PTPRN2: variants seen among roughly 807,000 people sequenced by gnomAD.
PTPRN2 encodes receptor-type tyrosine-protein phosphatase N2.
A neutral mutation model predicts 118.8 loss-of-function variants in PTPRN2; 74 were observed. The ratio of observed to expected loss-of-function variants is 0.62; its 90% CI spans 0.52 to 0.76. The LOEUF is 0.76. PTPRN2 is among the 30% of genes least tolerant of loss of function. PTPRN2 has a pLI of 0.00. For missense variants in PTPRN2, 1,481 were observed against 1,394.4 expected (o/e 1.06, Z -0.99); for synonymous variants, 641 against 608.0 (o/e 1.05, Z -0.80).
intron 12 of PTPRN2, among the ~76,000 whole-genome samples, chr7:157,702,730 C>T (rs1000980603): frequency 2.0e-5 from 3 of 152,238 alleles, no homozygotes; most frequent in African/African-American, 4.8e-5. Context: ...TGGATTTTTG[C>T]TAAATGAATA....
At chr7:157,731,946 T>C (rs1437872357) in intron 12 of PTPRN2, among the ~76,000 whole-genome samples, 47 of 32,216 alleles carry the variant, frequency 1.5e-3, no homozygotes, top group Middle Eastern at 0.045. Context: ...TCCCGTCCCA[T>C]GCGCCCAGCA....
chr7:158,296,734 T>C (rs1359660193), intron 3 of PTPRN2, among the ~76,000 whole-genome samples: 1 of 152,194 alleles, frequency 6.6e-6, no homozygotes, highest in Non-Finnish European at 1.5e-5. Context: ...TCGCACGCCC[T>C]GTGAGGGGAA....
At chr7:158,557,288 TGCAGGTCGCTCCTGG>T (rs1415853821) in intron 1 of PTPRN2, among the ~76,000 whole-genome samples, 3 of 129,452 alleles carry the variant, frequency 2.3e-5, no homozygotes, top group Non-Finnish European at 3.2e-5. Flanking sequence ...GCGGCTCCTG[TGCAGGTCGCTCCTGG>T]GCAGGTCGCT....
At chr7:157,985,120 C>CTCAACACTCCCTTT (rs1318002950) in intron 11 of PTPRN2, among the ~76,000 whole-genome samples, 37 of 152,348 alleles carry the variant, frequency 2.4e-4, no homozygotes, top group African/African-American at 8.7e-4. Flanking sequence ...ACTGTGCTCA[C>CTCAACACTCCCTTT]TCAACACTCC....
At chr7:157,952,777 G>C (rs533693008) in intron 11 of PTPRN2, among the ~76,000 whole-genome samples, 1 of 152,250 alleles carries the variant, frequency 6.6e-6, no homozygotes, top group South Asian at 2.1e-4. Flanking sequence ...AACCCCAGGG[G>C]AAATAAAGGT....
chr7:157,645,072 C>T (rs1465284995), intron 14 of PTPRN2, among the ~76,000 whole-genome samples: 3 of 152,188 alleles, frequency 2.0e-5, no homozygotes, highest in Non-Finnish European at 2.9e-5. Flanking sequence ...ATGACGGACA[C>T]GGAGGAGACG....
intron 2 of PTPRN2, among the ~76,000 whole-genome samples, chr7:158,362,161 T>C (rs1328143744): frequency 6.6e-6 from 1 of 152,198 alleles, no homozygotes; most frequent in Non-Finnish European, 1.5e-5. Context: ...AGGCACCACC[T>C]TTCCTGGACC....
rs1301694487 is a variant in PTPRN2, at chr7:158,003,767, A to T, written c.1723+77531T>A. On this transcript the variant is annotated intron_variant, in intron 11 of 22. Transcript: ENST00000389418. This position sits in a 1 kb window ranked among gnomAD's most constrained non-coding sequence, Gnocchi z 5.0. ...TTCTTGGTGGTGGCGAGCTTCTCACATGGGCTTGGCGGCACCTCCCAACAC... is the reference window on the plus strand; with the variant it reads ...TTCTTGGTGGTGGCGAGCTTCTCACTTGGGCTTGGCGGCACCTCCCAACAC... Among the ~76,000 whole-genome samples, 3 of 152,020 alleles carry T rather than the reference A, an allele frequency of 2.0e-5. No individual in the cohort carries two copies. Among genetic ancestry groups the T allele is most frequent in the Non-Finnish European group, 4.4e-5 (3 of 68,008 alleles).
In PTPRN2 at chr7:157,881,797, C is replaced by T. The variant is rs1381934505; in HGVS notation, c.1788+16876G>A. 6.6e-6 allele frequency among the ~76,000 whole-genome samples: 1 copy of T among 151,620 alleles called. No individual in the cohort carries two copies. Among genetic ancestry groups the T allele is most frequent in the Non-Finnish European group, 1.5e-5 (1 of 67,974 alleles). ...GTAAAAGGGTTTGCACACACACAACCCTAATTAGACTTTTAATAGATCCTT... is the reference window on the plus strand; with the variant it reads ...GTAAAAGGGTTTGCACACACACAACTCTAATTAGACTTTTAATAGATCCTT... On this transcript the variant is annotated intron_variant, in intron 12 of 22. Coordinates refer to ENST00000389418, the MANE Select transcript of PTPRN2 (RefSeq NM_002847.5). The surrounding 1 kb of genome is among the most constrained non-coding windows in gnomAD (Gnocchi z 4.7).
chr7:158,493,202 C>T (rs1036288418), intron 1 of PTPRN2, among the ~76,000 whole-genome samples: 1 of 152,240 alleles, frequency 6.6e-6, no homozygotes, highest in African/African-American at 2.4e-5. Flanking sequence ...AGCACAGAGA[C>T]AAGCACATCC....
At position 158,534,360 on chromosome 7, in the gene PTPRN2, A is replaced by ATG. The variant is rs1248987518; in HGVS notation, c.113-44576_113-44575insCA. Among the ~76,000 whole-genome samples the ATG allele has an allele frequency of 2.5e-4, 37 of 149,572 alleles. 1 individual carries two copies. The highest frequency in any genetic ancestry group is 8.0e-4 in the African/African-American group (32 of 40,154). On this transcript the variant is annotated intron_variant, in intron 1 of 22. Coordinates refer to ENST00000389418, the MANE Select transcript of PTPRN2 (RefSeq NM_002847.5). ...CTGTGGGTGCAGGTTGTGGCCACCC[A>ATG]CGCCCTGGGCTCCGTCAGGGATGGC...
chr7:157,976,025 A>T (rs960833698), intron 11 of PTPRN2, among the ~76,000 whole-genome samples: 12 of 152,218 alleles, frequency 7.9e-5, no homozygotes, highest in Non-Finnish European at 1.6e-4. Flanking sequence ...GCTGGGCAGC[A>T]GCCCAGCACA....
chr7:157,733,975 C>G (rs1316832089), intron 12 of PTPRN2, among the ~76,000 whole-genome samples: 3 of 89,364 alleles, frequency 3.4e-5, no homozygotes, highest in African/African-American at 9.1e-5. Flanking sequence ...TACCCTTTCC[C>G]GTCCCATGCG....
intron 5 of PTPRN2, among the ~76,000 whole-genome samples, chr7:158,180,059 A>G (rs6979649): frequency 0.63 from 95,278 of 152,188 alleles, 30,974 homozygotes; most frequent in East Asian, 0.84. Context: ...CCTTTTCAAT[A>G]AGGTTGCTTT....
chr7:157,666,618 G>A (rs1796149868), intron 13 of PTPRN2, among the ~76,000 whole-genome samples: 1 of 152,232 alleles, frequency 6.6e-6, no homozygotes, highest in Non-Finnish European at 1.5e-5. Context: ...TGAGGACCAG[G>A]ACTCTGGGTC....
intron 11 of PTPRN2, among the ~76,000 whole-genome samples, chr7:157,988,637 G>A (rs1320057542): frequency 6.6e-6 from 1 of 152,218 alleles, no homozygotes; most frequent in East Asian, 1.9e-4. Flanking sequence ...AAGCCCCAGG[G>A]AGCACAGGGG....
intron 2 of PTPRN2, among the ~76,000 whole-genome samples, chr7:158,443,482 T>C (rs1817504605): frequency 6.6e-6 from 1 of 152,212 alleles, no homozygotes. Flanking sequence ...GCCTGGTCAG[T>C]CACGCTATGC....
rs1238995165 is a variant in PTPRN2 at position 158,529,335 on chromosome 7, T to C, written c.113-39550A>G. Among the ~76,000 whole-genome samples the C allele has an allele frequency of 6.6e-6, 1 of 152,216 alleles. No homozygotes were observed. The highest frequency in any genetic ancestry group is 1.5e-5 in the Non-Finnish European group (1 of 68,026). On this transcript the variant is annotated intron_variant, in intron 1 of 22. Coordinates refer to ENST00000389418, the MANE Select transcript of PTPRN2 (RefSeq NM_002847.5). The surrounding 1 kb of genome is among the most constrained non-coding windows in gnomAD (Gnocchi z 4.7). Reference sequence around the variant, plus strand: ...ATGCGTGGCATCTCTGCTGTGCAGGTGCTGACACGCCCCAGAGCAAGCATT... The same window carrying C: ...ATGCGTGGCATCTCTGCTGTGCAGGCGCTGACACGCCCCAGAGCAAGCATT...
chr7:158,251,641 A>G (rs1796676174), intron 3 of PTPRN2, among the ~76,000 whole-genome samples: 1 of 118,958 alleles, frequency 8.4e-6, no homozygotes, highest in African/African-American at 3.3e-5. Flanking sequence ...TCTATGGTGC[A>G]CATGTGGTGT....
Sources: gnomAD v4.1 joint callset for allele counts (sites outside exome capture counted in the v4.1 genomes callset) on GRCh38, gnomAD v4.1.1 for gene constraint, Gnocchi (gnomAD v3.1) non-coding constraint, MANE v1.5 for transcripts, NCBI Gene and HGNC (gene_info 2026-07-23, HGNC 2026-07-21) for gene names.